Variants in PCDH15 observed in about 807,000 individuals in gnomAD.
The protein encoded by PCDH15 is protocadherin-15.
Under a neutral mutation model 178.5 loss-of-function variants are expected in PCDH15, and 129 were observed. The observed-to-expected ratio is 0.72, with a 90% CI of 0.63 to 0.84. The LOEUF (loss-of-function observed/expected upper bound fraction) is 0.84. Ranked by LOEUF, PCDH15 falls within the 40% of genes least tolerant of loss-of-function variation. The pLI is 0.00. For missense variants in PCDH15, 2,230 were observed against 2,099.9 expected (o/e 1.06, Z -1.21); for synonymous variants, 800 against 732.0 (o/e 1.09, Z -1.50).
intron 2 of PCDH15, among the ~76,000 whole-genome samples, chr10:55,138,377 G>C (rs889967048): frequency 3.9e-5 from 6 of 152,108 alleles, no homozygotes; most frequent in Non-Finnish European, 4.4e-5. Flanking sequence ...TAGTTGTCAA[G>C]TATAACAGGG....
At chr10:53,933,697 G>C (rs1231949956) in intron 25 of PCDH15, among the ~76,000 whole-genome samples, 2 of 152,182 alleles carry the variant, frequency 1.3e-5, no homozygotes, top group African/African-American at 4.8e-5. Flanking sequence ...CCAGTAATGG[G>C]ATGGCTGGGT....
intron 3 of PCDH15, among the ~76,000 whole-genome samples, chr10:54,447,340 C>T (rs2076203790): frequency 6.6e-6 from 1 of 151,568 alleles, no homozygotes; most frequent in Non-Finnish European, 1.5e-5. Context: ...TGAACTTATT[C>T]CTCCTGGCTA....
At chr10:54,844,026 T>C (rs1031752099) in intron 3 of PCDH15, among the ~76,000 whole-genome samples, 11 of 152,030 alleles carry the variant, frequency 7.2e-5, no homozygotes, top group Admixed American at 7.2e-4. Context: ...AAATAACTTT[T>C]CTTATATATT....
At chr10:54,066,477 G>C (rs1026676911) in intron 18 of PCDH15, among the ~76,000 whole-genome samples, 1 of 152,052 alleles carries the variant, frequency 6.6e-6, no homozygotes, top group Non-Finnish European at 1.5e-5. Flanking sequence ...ACATGTTTCT[G>C]TAAAATGTTT....
At chr10:53,812,979 G>C (rs2075928639) in intron 35 of PCDH15, among the ~76,000 whole-genome samples, 1 of 152,154 alleles carries the variant, frequency 6.6e-6, no homozygotes. Context: ...TATGGATAAA[G>C]ACCCTCAGTT....
At chr10:54,524,433 A>G (rs2083186399) in intron 3 of PCDH15, among the ~76,000 whole-genome samples, 3 of 152,160 alleles carry the variant, frequency 2.0e-5, no homozygotes, top group South Asian at 4.1e-4. Flanking sequence ...GATTCTGAGA[A>G]TTAGTTTGAA....
chr10:55,044,170 C>A (rs1310940924), intron 2 of PCDH15, among the ~76,000 whole-genome samples: 1 of 152,090 alleles, frequency 6.6e-6, no homozygotes, highest in African/African-American at 2.4e-5. Context: ...TGACAATCTC[C>A]TCATAAACAA....
chr10:54,029,135 A>G (rs2135401383), intron 18 of PCDH15, among the ~76,000 whole-genome samples: 1 of 152,232 alleles, frequency 6.6e-6, no homozygotes, highest in South Asian at 2.1e-4. Flanking sequence ...CTGGCTAAGC[A>G]AGGCAGTTTT....
Position 55,585,813 on chromosome 10 carries a change from T to C in PCDH15, c.-156+41812A>G, listed in dbSNP as rs574872649. Among the ~76,000 whole-genome samples, 10 of 152,192 alleles carry C rather than the reference T, an allele frequency of 6.6e-5. No homozygotes were observed. The South Asian group carries it at 2.1e-3, about 32-fold the overall frequency. On this transcript the variant is annotated intron_variant, in intron 2 of 5. Transcript: ENST00000613346. ...TATGAGAGAGAGATAGACTGTTCTG[T>C]TAATTTTAAATAGAATGGAAACATC...
chr10:54,972,568 G>C (rs577399326), intron 2 of PCDH15, among the ~76,000 whole-genome samples: 2 of 151,548 alleles, frequency 1.3e-5, no homozygotes, highest in East Asian at 3.9e-4. Flanking sequence ...AAAAATTCAG[G>C]CCATACGTGG....
chr10:54,999,636 C>T (rs1033245084), intron 2 of PCDH15, among the ~76,000 whole-genome samples: 1 of 152,084 alleles, frequency 6.6e-6, no homozygotes, highest in African/African-American at 2.4e-5. Flanking sequence ...GAGCCAGGAA[C>T]AGGTGAGAGC....
At chr10:54,008,172 T>A (rs1249308923) in intron 20 of PCDH15, among the ~76,000 whole-genome samples, 1 of 152,194 alleles carries the variant, frequency 6.6e-6, no homozygotes, top group Non-Finnish European at 1.5e-5. Context: ...AATAAAAAAG[T>A]GGTATTACAT....
At chr10:54,681,028 C>T (rs916491307) in intron 1 of PCDH15, among the ~76,000 whole-genome samples, 2 of 152,144 alleles carry the variant, frequency 1.3e-5, no homozygotes, top group Admixed American at 6.5e-5. Flanking sequence ...AGGCATACCA[C>T]TTTCAATGGC....
chr10:54,143,031 A>G (rs1388395523), intron 14 of PCDH15, among the ~76,000 whole-genome samples: 1 of 152,288 alleles, frequency 6.6e-6, no homozygotes, highest in East Asian at 1.9e-4. Context: ...GCAAAATTTC[A>G]AGTTCTAAAT....
At position 53,855,320 on chromosome 10, in the gene PCDH15, G is replaced by T. The variant is rs1219906499; in HGVS notation, c.3806+1855C>A. Among the ~76,000 whole-genome samples, 4 of 152,016 alleles carry T rather than the reference G, an allele frequency of 2.6e-5. No individual in the cohort carries two copies. The East Asian group carries it at 5.8e-4, about 22-fold the overall frequency. Reference sequence around the variant, plus strand: ...AATCAGAGAAAGCCTGTCTCAATAGGCTTTTATTAAAGCAGCTAAAAGTTA... The same window carrying T: ...AATCAGAGAAAGCCTGTCTCAATAGTCTTTTATTAAAGCAGCTAAAAGTTA... On this transcript the variant is annotated intron_variant, in intron 28 of 37. Transcript: ENST00000644397.
chr10:54,486,108 G>A (rs1806096602), intron 3 of PCDH15: 1 of 151,968 alleles, frequency 6.6e-6, no homozygotes, highest in Non-Finnish European at 1.5e-5. Flanking sequence ...TAAAGACTGT[G>A]AAGCCACATT....
chr10:53,808,640 C>T (rs1047307888), intron 37 of PCDH15: 2 of 1,566,838 alleles, frequency 1.3e-6, no homozygotes, highest in Non-Finnish European at 1.7e-6. Flanking sequence ...ACAGAAGGCA[C>T]TGCACACGAG....
chr10:53,828,297 C>G (rs1320765448), intron 31 of PCDH15, among the ~76,000 whole-genome samples: 1 of 149,796 alleles, frequency 6.7e-6, no homozygotes, highest in African/African-American at 2.5e-5. Flanking sequence ...TTTTGGATTT[C>G]CTGGACACTG....
chr10:53,870,190 A>G (rs909633498), intron 26 of PCDH15, among the ~76,000 whole-genome samples: 2 of 152,198 alleles, frequency 1.3e-5, no homozygotes, highest in African/African-American at 4.8e-5. Context: ...CAAAATAGTC[A>G]TATTCCATCT....
Sources: gnomAD v4.1 joint callset for allele counts (sites outside exome capture counted in the v4.1 genomes callset) on GRCh38, gnomAD v4.1.1 for gene constraint, MANE v1.5 for transcripts, NCBI Gene and HGNC (gene_info 2026-07-23, HGNC 2026-07-21) for gene names.